The following UNC79 variants were observed in gnomAD, a reference collection of about 807,000 sequenced individuals.
UNC79 encodes the protein unc-79 subunit of NALCN channel complex, also known as protein unc-79 homolog.
A neutral mutation model predicts 283.1 loss-of-function variants in UNC79; 37 were observed. That is an observed-to-expected ratio of 0.13 (90% CI 0.10 to 0.17). The LOEUF is 0.17. Among genes scored for constraint, UNC79 ranks in the 10% least tolerant of loss-of-function variants. The probability of loss-of-function intolerance (pLI) is 1.00; values close to 1 mark genes in which losing one functional copy is unlikely to be tolerated. For synonymous variants in UNC79, 1,107 were observed against 1,200.2 expected (o/e 0.92, Z 1.61); for missense variants, 2,272 against 3,211.1 (o/e 0.71, Z 7.07).
chr14:93,601,178 C>T (rs1566748831), intron 25 of UNC79, among the ~76,000 whole-genome samples: 1 of 152,088 alleles, frequency 6.6e-6, no homozygotes. Context: ...GTGGTAATTT[C>T]TGAGATTTTG....
chr14:93,598,590 C>T (rs1596011037), intron 24 of UNC79, among the ~76,000 whole-genome samples: 1 of 151,442 alleles, frequency 6.6e-6, no homozygotes, highest in South Asian at 2.1e-4. Context: ...GGTGTGATCT[C>T]GGCTCACTGC....
At chr14:93,653,906 A>G (rs759929649) in intron 36 of UNC79, 34 bp from the exon 40 acceptor site, 1 of 1,614,110 alleles carries the variant, frequency 6.2e-7, no homozygotes, top group Non-Finnish European at 8.5e-7. Flanking sequence ...CATCCCAGAC[A>G]CCCAAACACT....
chr14:93,405,385 T>A (rs866252425), intron 1 of UNC79, among the ~76,000 whole-genome samples: 35 of 151,900 alleles, frequency 2.3e-4, no homozygotes, highest in Middle Eastern at 6.9e-3. Flanking sequence ...TATCAATAAC[T>A]AAAAACTGAC....
chr14:93,338,808 C>G (rs2053638638), intron 1 of UNC79, among the ~76,000 whole-genome samples: 2 of 152,128 alleles, frequency 1.3e-5, no homozygotes, highest in African/African-American at 4.8e-5. Context: ...ATTCAGGTGG[C>G]TGAGGTGGGA....
At chr14:93,429,157 G>A (rs1256508524), upstream of UNC79, among the ~76,000 whole-genome samples, 2 of 152,160 alleles carry the variant, frequency 1.3e-5, no homozygotes, top group Admixed American at 6.5e-5. Context: ...GTCATACAAA[G>A]TGTTTGTCAT....
intron 1 of UNC79, among the ~76,000 whole-genome samples, chr14:93,420,127 A>G (rs1259149063): frequency 6.6e-6 from 1 of 151,184 alleles, no homozygotes; most frequent in African/African-American, 2.4e-5. Flanking sequence ...ATAACATTGA[A>G]TGTAAATTAA....
chr14:93,586,948 T>A (rs752231177), intron 22 of UNC79, 40 bp downstream of exon 22: 2 of 1,593,760 alleles, frequency 1.3e-6, no homozygotes, highest in Non-Finnish European at 1.7e-6. Flanking sequence ...GTTTATACAT[T>A]AGGCTTTAGT....
intron 14 of UNC79, among the ~76,000 whole-genome samples, chr14:93,558,169 A>G (rs1458314229): frequency 6.6e-6 from 1 of 152,222 alleles, no homozygotes; most frequent in Non-Finnish European, 1.5e-5. Context: ...CAACCCCTCC[A>G]TGACAGAACA....
intron 34 of UNC79, among the ~76,000 whole-genome samples, chr14:93,644,010 T>C (rs2069329015): frequency 6.6e-6 from 1 of 152,232 alleles, no homozygotes; most frequent in African/African-American, 2.4e-5. Context: ...CAGCAGTTGA[T>C]AGTAAACACT....
chr14:93,644,991 C>T (rs971405449), intron 34 of UNC79, among the ~76,000 whole-genome samples: 12 of 152,112 alleles, frequency 7.9e-5, no homozygotes, highest in Non-Finnish European at 1.2e-4. Flanking sequence ...CATTTAAGCC[C>T]TTGAGTTTGA....
chr14:93,485,049 T>G (rs936141429), intron 4 of UNC79, among the ~76,000 whole-genome samples: 3 of 152,120 alleles, frequency 2.0e-5, no homozygotes, highest in Admixed American at 2.0e-4. Context: ...AGGCCTCCAT[T>G]TACAGTGACT....
Position 93,688,113 on chromosome 14 carries a change from C to T in UNC79, c.6910-552C>T, listed in dbSNP as rs571450938. Among the ~76,000 whole-genome samples the T allele has an allele frequency of 2.6e-5, 4 of 152,266 alleles. No homozygotes were observed. The South Asian group carries it at 8.3e-4, about 32-fold the overall frequency. ...GGTATGAGCACCTGTAATGTCGTGG[C>T]ACTGTTCTAGGCATTGGGGATGCTG... is the stretch of plus-strand genomic sequence containing the variant. On this transcript the variant is annotated intron_variant, in intron 43 of 48. Transcript: ENST00000555664. The surrounding 1 kb of genome is among the most constrained non-coding windows in gnomAD (Gnocchi z 4.0).
intron 1 of UNC79, among the ~76,000 whole-genome samples, chr14:93,454,578 C>G (rs2056744999): frequency 6.6e-6 from 1 of 152,170 alleles, no homozygotes; most frequent in Non-Finnish European, 1.5e-5. Context: ...TAACCTCTCT[C>G]AGCCTCAGTT....
At chr14:93,671,288 C>A (rs934342601) in intron 40 of UNC79, among the ~76,000 whole-genome samples, 1 of 151,912 alleles carries the variant, frequency 6.6e-6, no homozygotes, top group Non-Finnish European at 1.5e-5. Context: ...TAAAAACATA[C>A]ATGAAATAAT....
chr14:93,474,313 C>G lies in UNC79; in HGVS notation c.368C>G (p.Pro123Arg). The change falls in exon 3 of 49, where the codon CCT (proline) becomes CGT (arginine). Residue 123 changes from proline (P) to arginine (R), a missense_variant. Physicochemically the swap from Pro to Arg is moderately radical, Grantham distance 103 (BLOSUM62 -2). Coordinates refer to ENST00000555664, the Ensembl canonical transcript of UNC79. This position sits in a 1 kb window ranked among gnomAD's most constrained non-coding sequence, Gnocchi z 4.1. ...CGTGATGCTCAGTTGTCAGACTACC[C>G]TTCTTTGGACTACCAAGGCCTCTAC... 6.5e-7 allele frequency: 1 copy of G among 1,536,096 alleles called. No homozygotes were observed. The highest frequency in any genetic ancestry group is 8.7e-7 in the Non-Finnish European group (1 of 1,146,880).
At chr14:93,439,558 G>A (rs919020746) in intron 1 of UNC79, among the ~76,000 whole-genome samples, 2 of 151,992 alleles carry the variant, frequency 1.3e-5, no homozygotes, top group Non-Finnish European at 2.9e-5. Context: ...TTTCTGGGGG[G>A]TAGAGTGGGA....
intron 1 of UNC79, among the ~76,000 whole-genome samples, chr14:93,338,372 C>T (rs2139870149): frequency 6.6e-6 from 1 of 152,236 alleles, no homozygotes; most frequent in African/African-American, 2.4e-5. Flanking sequence ...TTTCTAAGGT[C>T]TCACCAGTAA....
chr14:93,609,660 G>A (rs1348461327), intron 26 of UNC79, among the ~76,000 whole-genome samples: 1 of 152,140 alleles, frequency 6.6e-6, no homozygotes, highest in Non-Finnish European at 1.5e-5. Context: ...TAGAGAAAAT[G>A]CTTGTAGGCA....
At chr14:93,361,184 C>G (rs1360575648) in intron 1 of UNC79, among the ~76,000 whole-genome samples, 5 of 134,986 alleles carry the variant, frequency 3.7e-5, no homozygotes, top group African/African-American at 5.7e-5. Flanking sequence ...TGCACTCTAG[C>G]CTGGGTGACA....
Sources: allele counts gnomAD v4.1 joint callset (sites outside exome capture counted in the v4.1 genomes callset), GRCh38; gene constraint gnomAD v4.1.1; non-coding constraint Gnocchi (gnomAD v3.1); transcripts MANE v1.5; gene names NCBI Gene and HGNC (gene_info 2026-07-23, HGNC 2026-07-21).